MYO15A: variants seen among roughly 807,000 people sequenced by gnomAD.
MYO15A encodes unconventional myosin-XV.
In MYO15A, 308 loss-of-function variants were observed where a neutral mutation model predicts 394.6. The ratio of observed to expected loss-of-function variants is 0.78; its 90% CI spans 0.71 to 0.86. MYO15A has a LOEUF of 0.86. MYO15A is among the 40% of genes least tolerant of loss of function. The pLI is 0.00. For missense variants in MYO15A, 4,606 were observed against 4,799.1 expected (o/e 0.96, Z 1.19); for synonymous variants, 1,957 against 2,003.8 (o/e 0.98, Z 0.62).
At position 18,159,358 on chromosome 17, in the gene MYO15A, G is replaced by A; in HGVS notation, c.9229+11G>A. On this transcript the variant is annotated intron_variant, in intron 54 of 65. Coordinates refer to ENST00000647165, the MANE Select transcript of MYO15A (RefSeq NM_016239.4). Reference sequence around the variant, plus strand: ...CCGACATGTTCCTAGGTGTGGGAGTGGGACTGCAGCCAGGGCTCTGGGCTA... The same window carrying A: ...CCGACATGTTCCTAGGTGTGGGAGTAGGACTGCAGCCAGGGCTCTGGGCTA... 1 of 1,614,132 alleles carries A rather than the reference G, an allele frequency of 6.2e-7. No individual in the cohort carries two copies. The highest frequency in any genetic ancestry group is 2.2e-5 in the East Asian group (1 of 44,888).
In MYO15A at chr17:18,120,935, C is replaced by T. The variant is rs1213311182; in HGVS notation, c.2135C>T (p.Pro712Leu). 5 of 1,470,478 alleles carry T rather than the reference C, an allele frequency of 3.4e-6. No homozygotes were observed. Among genetic ancestry groups the T allele is most frequent in the Admixed American group, 2.3e-5 (1 of 43,056 alleles). 91.1% of individuals were successfully genotyped at this position (1,470,478 alleles called of 1,614,324 possible). A position where few individuals can be genotyped will look rare whatever the true frequency, so the allele number is the denominator to read the frequency against. Reference sequence around the variant, plus strand: ...TGGGCCGCCCCAGCGCACGTGCCACCGGCGCCGCAGGCCAGCTGGTGGGCC... The same window carrying T: ...TGGGCCGCCCCAGCGCACGTGCCACTGGCGCCGCAGGCCAGCTGGTGGGCC... ...PPWAAPAHVP[P>L]APQASWWAFV... Residue 712 changes from proline (P) to leucine (L), a missense_variant, in exon 2 of 66, where the codon CCG (proline) becomes CTG (leucine). Pro to Leu is a moderately conservative substitution (Grantham distance 98). Coordinates refer to ENST00000647165, the MANE Select transcript of MYO15A (RefSeq NM_016239.4).
intron 65 of MYO15A, among the ~76,000 whole-genome samples, chr17:18,175,317 G>GTTTTTTTTT (rs2047000269): frequency 2.9e-5 from 1 of 34,822 alleles, no homozygotes; most frequent in Non-Finnish European, 9.2e-5. Flanking sequence ...TTGAGGCAAA[G>GTTTTTTTTT]TCTTGCTCTG....
At chr17:18,136,985 G>A (rs1216175804) in intron 15 of MYO15A, among the ~76,000 whole-genome samples, 2 of 152,238 alleles carry the variant, frequency 1.3e-5, no homozygotes. Context: ...AGGCTTCCTG[G>A]ATGAGGATGA....
At chr17:18,156,819 C>G (rs2142385867) in intron 48 of MYO15A, 135 bp from the exon 49 acceptor site, 1 of 799,854 alleles carries the variant, frequency 1.3e-6, no homozygotes, top group Non-Finnish European at 2.1e-6. Flanking sequence ...ACCCAGAATG[C>G]CCTTCCCTCT....
chr17:18,169,308 T>G (rs939848696), intron 62 of MYO15A, among the ~76,000 whole-genome samples: 3 of 151,664 alleles, frequency 2.0e-5, no homozygotes, highest in African/African-American at 4.8e-5. Flanking sequence ...TAGCCGGGCA[T>G]GGTGGCGCAT....
intron 57 of MYO15A, 135 bp downstream of exon 57, chr17:18,161,582 C>A: frequency 7.5e-7 from 1 of 1,337,692 alleles, no homozygotes; most frequent in Non-Finnish European, 1.1e-6. Context: ...TATTAATATA[C>A]TCCCCAAACA....
At chr17:18,164,290 A>G (rs1373876167) in intron 60 of MYO15A, 6 of 248,092 alleles carry the variant, frequency 2.4e-5, no homozygotes, top group Non-Finnish European at 4.0e-5. Context: ...CTGGGACCCT[A>G]GGTGACCGTC....
intron 1 of MYO15A, chr17:18,110,246 G>A (rs2955361): frequency 0.89 from 135,902 of 152,332 alleles, 60,656 homozygotes; most frequent in South Asian, 0.95. Flanking sequence ...GAATGTGTCC[G>A]CTGTACACCA....
At chr17:18,149,051 G>C (rs769426004) in intron 33 of MYO15A, 99 bp downstream of exon 33, 4 of 1,502,082 alleles carry the variant, frequency 2.7e-6, no homozygotes, top group African/African-American at 1.4e-5. Flanking sequence ...TGCTGGGACA[G>C]GCTGAGCCCT....
intron 57 of MYO15A, among the ~76,000 whole-genome samples, 172 bp downstream of exon 57, chr17:18,161,619 G>C (rs941592863): frequency 6.6e-6 from 1 of 152,230 alleles, no homozygotes; most frequent in African/African-American, 2.4e-5. Flanking sequence ...AGGGGCTGGC[G>C]TGGTGGTTTG....
Position 18,118,614 on chromosome 17 carries a change from T to C in MYO15A, c.-187T>C, listed in dbSNP as rs2045827743. ...CCCAAGGCGCTCTAGAGGAGATGAATTATGGATCCGCCCTCCCGGAATCCT... is the reference window on the plus strand; with the variant it reads ...CCCAAGGCGCTCTAGAGGAGATGAACTATGGATCCGCCCTCCCGGAATCCT... On this transcript the variant is annotated 5_prime_UTR_variant, in exon 2 of 66. Coordinates refer to ENST00000647165, the MANE Select transcript of MYO15A (RefSeq NM_016239.4). 1 of 781,416 alleles carries C rather than the reference T, an allele frequency of 1.3e-6. No homozygotes were observed. The highest frequency in any genetic ancestry group is 1.8e-5 in the South Asian group (1 of 54,896). 48.4% of individuals were successfully genotyped at this position (781,416 alleles called of 1,614,324 possible). A position where few individuals can be genotyped will look rare whatever the true frequency, so the allele number is the denominator to read the frequency against.
rs1005041806 is a variant in MYO15A, at chr17:18,179,502, C to T, written c.*632C>T. 7.5e-5 allele frequency: 12 copies of T among 159,606 alleles called. No individual in the cohort carries two copies. Among genetic ancestry groups the T allele is most frequent in the Non-Finnish European group, 1.4e-4 (10 of 71,960 alleles). The allele number at this position is 159,606 out of a possible 1,614,324, so 9.9% of individuals were successfully genotyped here. ...CACTGCCTATGAACAGACCATCCCC[C>T]ACTCCTTGGGTATCCCCAACCCCAG... On this transcript the variant is annotated 3_prime_UTR_variant, in exon 66 of 66. Coordinates refer to ENST00000647165, the MANE Select transcript of MYO15A (RefSeq NM_016239.4).
chr17:18,144,612 C>T lies in MYO15A; in HGVS notation c.6273+20C>T, dbSNP rs749279108. 10 of 1,607,618 alleles carry T rather than the reference C, an allele frequency of 6.2e-6. No individual in the cohort carries two copies. The South Asian group carries it at 1.1e-4, about 18-fold the overall frequency. On this transcript the variant is annotated intron_variant, in intron 29 of 65. Transcript: ENST00000647165. ...AAGCTGGTATGGGGTCTGCCCCAGC[C>T]CACCTTCTAATTCTTAGCCCCTGGC...
intron 61 of MYO15A, 142 bp downstream of exon 61, chr17:18,166,663 T>C: frequency 8.5e-7 from 1 of 1,182,018 alleles, no homozygotes; most frequent in Non-Finnish European, 1.2e-6. Context: ...TCTGCTCCCC[T>C]ATGTGGTCTC....
rs754239967 is a variant in MYO15A at position 18,138,916 on chromosome 17, G to T, written c.5113G>T (p.Ala1705Ser). 20 of 1,612,736 alleles carry T rather than the reference G, an allele frequency of 1.2e-5. No homozygotes were observed. The highest frequency in any genetic ancestry group is 1.7e-5 in the Non-Finnish European group (20 of 1,179,448). Residue 1705 changes from alanine (A) to serine (S), a missense_variant, in exon 18 of 66, where the codon GCA becomes TCA. Transcript: ENST00000647165. ...GCCTGAGTTCACCATCAAGCACTATGCAGGCAAGGTCACCTACCAGGTGAG... is the reference window on the plus strand; with the variant it reads ...GCCTGAGTTCACCATCAAGCACTATTCAGGCAAGGTCACCTACCAGGTGAG... ...PLPEFTIKHY[A>S]GKVTYQVHKF... is the part of the protein sequence containing the mutation.
chr17:18,143,327 C>A (rs539970072), intron 25 of MYO15A, among the ~76,000 whole-genome samples: 8 of 152,168 alleles, frequency 5.3e-5, no homozygotes, highest in African/African-American at 1.9e-4. Flanking sequence ...CTTTCCCCAG[C>A]GTTTTTCTCC....
intron 65 of MYO15A, among the ~76,000 whole-genome samples, chr17:18,174,198 T>C (rs1230539932): frequency 6.6e-6 from 1 of 152,140 alleles, no homozygotes; most frequent in Non-Finnish European, 1.5e-5. Context: ...TGGGCTGAGA[T>C]GTGGAGGCTG....
In MYO15A at chr17:18,121,971, A is replaced by G; in HGVS notation, c.3171A>G (p.Leu1057=). ...PKDVLPEQKT[L]RPSLSYPLAA... ...ATGTCCTCCCAGAGCAAAAGACATT[A>G]AGGCCCAGCCTCTCATACCCACTGG... Residue 1057 remains leucine (L), a synonymous_variant, in exon 2 of 66, where the codon TTA becomes TTG. Coordinates refer to ENST00000647165, the MANE Select transcript of MYO15A (RefSeq NM_016239.4). This position sits in a 1 kb window ranked among gnomAD's most constrained non-coding sequence, Gnocchi z 5.3. 1 of 1,612,812 alleles carries G rather than the reference A, an allele frequency of 6.2e-7. No homozygotes were observed. The highest frequency in any genetic ancestry group is 8.5e-7 in the Non-Finnish European group (1 of 1,179,972).
At chr17:18,158,787 C>T (rs1677695601) in intron 52 of MYO15A, 138 bp from the exon 53 acceptor site, 2 of 1,372,900 alleles carry the variant, frequency 1.5e-6, no homozygotes, top group African/African-American at 1.4e-5. Flanking sequence ...TCAGTGCCTG[C>T]CTCTGGGGGT....
Sources: allele counts gnomAD v4.1 joint callset (sites outside exome capture counted in the v4.1 genomes callset), GRCh38; gene constraint gnomAD v4.1.1; non-coding constraint Gnocchi (gnomAD v3.1); transcripts MANE v1.5; gene names NCBI Gene and HGNC (gene_info 2026-07-23, HGNC 2026-07-21).